Variants in EPS8 observed in about 807,000 individuals in gnomAD.
The protein encoded by EPS8 is epidermal growth factor receptor kinase substrate 8.
A neutral mutation model predicts 103.8 loss-of-function variants in EPS8; 42 were observed. The observed-to-expected ratio is 0.40, with a 90% CI of 0.32 to 0.52. The LOEUF is 0.52. Among genes scored for constraint, EPS8 ranks in the 20% least tolerant of loss-of-function variants. The pLI is 0.40. For missense variants in EPS8, 969 were observed against 1,005.1 expected (o/e 0.96, Z 0.49); for synonymous variants, 344 against 344.6 (o/e 1.00, Z 0.02).
At chr12:15,672,556 C>T (rs995041499) in intron 3 of EPS8, 2 of 397,926 alleles carry the variant, frequency 5.0e-6, no homozygotes, top group Non-Finnish European at 8.9e-6. Flanking sequence ...CTAAAATTTT[C>T]TCTCCCAATA....
chr12:15,641,763 T>C lies in EPS8; in HGVS notation c.1636A>G (p.Asn546Asp). The C allele has an allele frequency of 6.2e-7, 1 of 1,601,942 alleles. No individual in the cohort carries two copies. Among genetic ancestry groups the C allele is most frequent in the Non-Finnish European group, 8.5e-7 (1 of 1,172,784 alleles). Residue 546 changes from asparagine (N) to aspartate (D), a missense_variant, in exon 16 of 21, where the codon AAC becomes GAC. By Grantham distance (23) the Asn-to-Asp change is conservative (BLOSUM62 1). Coordinates refer to ENST00000281172, the MANE Select transcript of EPS8 (RefSeq NM_004447.6). ...TTTAGAACCGAGAGCTCACTGTTGT[T>C]CCTTGCTACAAAGTCATACTTGGAT... ...AKSKYDFVAR[N>D]NSELSVLKDD...
chr12:15,783,352 G>C (rs1436252170), intron 1 of EPS8, among the ~76,000 whole-genome samples: 2 of 152,140 alleles, frequency 1.3e-5, no homozygotes, highest in Admixed American at 6.5e-5. Context: ...AAGGCTTCCA[G>C]TCAACAGAAG....
In EPS8 at chr12:15,779,829, A is replaced by G. The variant is rs74063373; in HGVS notation, c.-22+9332T>C. The stretch of plus-strand genomic sequence containing the variant: ...AAGCACATAATTCATTTAACAAGTT[A>G]TTTTTTAGTACATTCCTAAATAGTA... On this transcript the variant is annotated intron_variant, in intron 1 of 20. Transcript: ENST00000281172. This position sits in a 1 kb window ranked among gnomAD's most constrained non-coding sequence, Gnocchi z 4.3. Among the ~76,000 whole-genome samples the G allele has an allele frequency of 0.02, 3,003 of 152,264 alleles. 97 individuals carry two copies. The highest frequency in any genetic ancestry group is 0.069 in the African/African-American group (2,850 of 41,538).
chr12:15,620,293 C>T lies in EPS8; in HGVS notation c.*1024G>A, dbSNP rs1944841813. ...TAAAATATACAACATTCTTACATAA[C>T]ATCTGTTTTATATATGTGAAATAAT... On this transcript the variant is annotated 3_prime_UTR_variant, in exon 21 of 21. Transcript: ENST00000281172. 1 of 152,596 alleles carries T rather than the reference C, an allele frequency of 6.6e-6. No homozygotes were observed. Among genetic ancestry groups the T allele is most frequent in the East Asian group, 1.9e-4 (1 of 5,204 alleles). 9.5% of individuals were successfully genotyped at this position (152,596 alleles called of 1,614,324 possible). A position where few individuals can be genotyped will look rare whatever the true frequency, so the allele number is the denominator to read the frequency against.
In EPS8 at chr12:15,716,522, T is replaced by G. The variant is rs1946535036; in HGVS notation, c.-21-33550A>C. 6.6e-6 allele frequency among the ~76,000 whole-genome samples: 1 copy of G among 152,226 alleles called. No individual in the cohort carries two copies. The highest frequency in any genetic ancestry group is 1.5e-5 in the Non-Finnish European group (1 of 68,038). On this transcript the variant is annotated intron_variant, in intron 1 of 20. Transcript: ENST00000281172. This position sits in a 1 kb window ranked among gnomAD's most constrained non-coding sequence, Gnocchi z 5.0. ...GTATTTGCTGATTCCTTCAGTTTTC[T>G]ATGATAGGGCAGTTTACCAGAAGTA...
chr12:15,623,296 A>T lies in EPS8; in HGVS notation c.2226-9T>A. ...CAAGACTATTGACAGTCCTAAAAAA[A>T]AAAAAAGGAAAAAGAAACTGAGCAT... On this transcript the variant is annotated splice_polypyrimidine_tract_variant and intron_variant, in intron 19 of 20. Transcript: ENST00000281172. The T allele has an allele frequency of 6.3e-7, 1 of 1,578,466 alleles. No individual in the cohort carries two copies. The highest frequency in any genetic ancestry group is 1.4e-5 in the African/African-American group (1 of 72,348).
intron 1 of EPS8, among the ~76,000 whole-genome samples, chr12:15,689,637 GTAAGA>G (rs1157380980): frequency 6.6e-6 from 1 of 152,088 alleles, no homozygotes; most frequent in Non-Finnish European, 1.5e-5. Flanking sequence ...TTTCTTTGTG[GTAAGA>G]ACATTTAAAA....
rs967085739 is a variant in EPS8, at chr12:15,777,011, G to A, written c.-22+12150C>T. Among the ~76,000 whole-genome samples, 1 of 152,066 alleles carries A rather than the reference G, an allele frequency of 6.6e-6. No homozygotes were observed. Among genetic ancestry groups the A allele is most frequent in the Non-Finnish European group, 1.5e-5 (1 of 68,012 alleles). On this transcript the variant is annotated intron_variant, in intron 1 of 20. Coordinates refer to ENST00000281172, the MANE Select transcript of EPS8 (RefSeq NM_004447.6). The surrounding 1 kb of genome is among the most constrained non-coding windows in gnomAD (Gnocchi z 4.7). The stretch of plus-strand genomic sequence containing the variant: ...GGTCTTTTATCCTGTAGTCCAATGA[G>A]AGCTGATAAAATCATTCTTCAACTA...
chr12:15,659,121 T>C (rs1945559097), intron 10 of EPS8, among the ~76,000 whole-genome samples: 5 of 152,100 alleles, frequency 3.3e-5, no homozygotes, highest in Admixed American at 2.6e-4. Context: ...GAATTGCATG[T>C]ATACGAAACA....
chr12:15,677,619 A>ATTT (rs1408342148), intron 3 of EPS8, among the ~76,000 whole-genome samples: 1 of 152,210 alleles, frequency 6.6e-6, no homozygotes, highest in Non-Finnish European at 1.5e-5. Flanking sequence ...AAAAGGATAA[A>ATTT]TTTTACATAA....
chr12:15,754,065 G>C (rs113240947), intron 1 of EPS8, among the ~76,000 whole-genome samples: 2,139 of 152,272 alleles, frequency 0.014, 21 homozygotes, highest in Non-Finnish European at 0.019. Context: ...CAGTCACTGT[G>C]CTGTGCCTCC....
chr12:15,702,393 T>A lies in EPS8; in HGVS notation c.-21-19421A>T, dbSNP rs749615055. ...CTTTTGAGTTAAGCATTTTCATCCA[T>A]AGGAAGCACTTTTAAACTACAAACA... On this transcript the variant is annotated intron_variant, in intron 1 of 20. Coordinates refer to ENST00000281172, the MANE Select transcript of EPS8 (RefSeq NM_004447.6). The surrounding 1 kb of genome is among the most constrained non-coding windows in gnomAD (Gnocchi z 5.1). Among the ~76,000 whole-genome samples the A allele has an allele frequency of 6.6e-6, 1 of 152,184 alleles. No individual in the cohort carries two copies. Among genetic ancestry groups the A allele is most frequent in the Non-Finnish European group, 1.5e-5 (1 of 68,034 alleles).
In EPS8 at chr12:15,759,659, G is replaced by C. The variant is rs988790422; in HGVS notation, c.-22+29502C>G. On this transcript the variant is annotated intron_variant, in intron 1 of 20. Coordinates refer to ENST00000281172, the MANE Select transcript of EPS8 (RefSeq NM_004447.6). This position sits in a 1 kb window ranked among gnomAD's most constrained non-coding sequence, Gnocchi z 4.9. ...GAATAAAACTAGAAATCAATAACAA[G>C]AGAAATTTTGGAAAATATACTAGTA... Among the ~76,000 whole-genome samples, 2 of 152,034 alleles carry C rather than the reference G, an allele frequency of 1.3e-5. No homozygotes were observed. The highest frequency in any genetic ancestry group is 1.3e-4 in the Admixed American group (2 of 15,288).
chr12:15,735,995 T>C lies in EPS8; in HGVS notation c.-21-53023A>G, dbSNP rs1306867906. Among the ~76,000 whole-genome samples the C allele has an allele frequency of 2.0e-5, 3 of 152,056 alleles. No individual in the cohort carries two copies. Among genetic ancestry groups the C allele is most frequent in the East Asian group, 3.9e-4 (2 of 5,188 alleles). ...CAACCTCCTGGGCTCAAGCAATCCT[T>C]CCACCTTGGCCTCCCAAGTAGCTAG... is the stretch of plus-strand genomic sequence containing the variant. On this transcript the variant is annotated intron_variant, in intron 1 of 20. Coordinates refer to ENST00000281172, the MANE Select transcript of EPS8 (RefSeq NM_004447.6). This position sits in a 1 kb window ranked among gnomAD's most constrained non-coding sequence, Gnocchi z 4.4.
At chr12:15,650,272 AG>A (rs112775381) in intron 14 of EPS8, among the ~76,000 whole-genome samples, 3 of 152,342 alleles carry the variant, frequency 2.0e-5, no homozygotes, top group African/African-American at 7.2e-5. Context: ...CAAGGCTGAT[AG>A]GACTCCAGAG....
rs74398987 is a variant in EPS8 at position 15,675,767 on chromosome 12, G to A, written c.137-4844C>T. Among the ~76,000 whole-genome samples, 30 of 152,266 alleles carry A rather than the reference G, an allele frequency of 2.0e-4. 2 individuals carry two copies. In the East Asian group the frequency reaches 5.8e-3, roughly 29 times the overall value. On this transcript the variant is annotated intron_variant, in intron 3 of 20. Transcript: ENST00000281172. ...GAAATGAGTTTTCTAGAGATAAAATGACTTTAAGCAGTTGGTAATTTATGA... is the reference window on the plus strand; with the variant it reads ...GAAATGAGTTTTCTAGAGATAAAATAACTTTAAGCAGTTGGTAATTTATGA...
intron 9 of EPS8, among the ~76,000 whole-genome samples, chr12:15,661,198 TAA>T (rs949924577): frequency 3.9e-5 from 6 of 152,188 alleles, no homozygotes; most frequent in Non-Finnish European, 4.4e-5. Flanking sequence ...TAAGCATTAA[TAA>T]GAGTTTCCAC....
At chr12:15,666,618 CAGTA>C (rs1945716694) in intron 6 of EPS8, 96 bp from the exon 7 acceptor site, 6 of 816,308 alleles carry the variant, frequency 7.4e-6, no homozygotes, top group South Asian at 3.3e-5. Flanking sequence ...TTGTCTGAAT[CAGTA>C]AGTATCTTGA....
intron 1 of EPS8, among the ~76,000 whole-genome samples, chr12:15,726,316 G>T (rs932837942): frequency 1.3e-5 from 2 of 152,122 alleles, no homozygotes; most frequent in East Asian, 3.9e-4. Context: ...GATTTACGGA[G>T]GGGGCTGGAA....
Sources: allele counts gnomAD v4.1 joint callset (sites outside exome capture counted in the v4.1 genomes callset), GRCh38; gene constraint gnomAD v4.1.1; non-coding constraint Gnocchi (gnomAD v3.1); transcripts MANE v1.5; gene names NCBI Gene and HGNC (gene_info 2026-07-23, HGNC 2026-07-21).